Variants in EIF4G3 observed in about 807,000 individuals in gnomAD.
EIF4G3 encodes the protein eIF-4-gamma 3.
In EIF4G3, 34 loss-of-function variants were observed where a neutral mutation model predicts 186.4. The observed-to-expected ratio is 0.18, with a 90% CI of 0.14 to 0.24. The LOEUF is 0.24. Among genes scored for constraint, EIF4G3 ranks in the 10% least tolerant of loss-of-function variants. EIF4G3 has a pLI of 1.00. For missense variants in EIF4G3, 1,536 were observed against 1,948.5 expected, an observed-to-expected ratio of 0.79 and a Z score of 3.99; for synonymous variants, 673 against 679.5, an observed-to-expected ratio of 0.99 and a Z score of 0.15.
At chr1:21,055,513 T>C (rs1420425229) in intron 3 of EIF4G3, among the ~76,000 whole-genome samples, 8 of 152,116 alleles carry the variant, frequency 5.3e-5, no homozygotes, top group African/African-American at 1.7e-4. Context: ...TGCCCCATTA[T>C]TGGCAGGGAT....
At chr1:21,092,613 T>C (rs1181873429) in intron 2 of EIF4G3, among the ~76,000 whole-genome samples, 1 of 152,128 alleles carries the variant, frequency 6.6e-6, no homozygotes, top group East Asian at 1.9e-4. Context: ...AAAGTTCATC[T>C]GGAACCAAAA....
chr1:21,104,880 TA>T (rs144856695), intron 2 of EIF4G3, among the ~76,000 whole-genome samples: 19 of 147,340 alleles, frequency 1.3e-4, no homozygotes, highest in African/African-American at 2.2e-4. Flanking sequence ...TACACGCCCA[TA>T]AAAAAAAAAT....
At chr1:21,034,319 A>G (rs1244168994) in intron 4 of EIF4G3, among the ~76,000 whole-genome samples, 1 of 152,228 alleles carries the variant, frequency 6.6e-6, no homozygotes, top group Non-Finnish European at 1.5e-5. Context: ...AAATTTTTTA[A>G]TGAATGTTTT....
intron 3 of EIF4G3, among the ~76,000 whole-genome samples, chr1:21,058,134 T>C (rs1222364102): frequency 6.6e-6 from 1 of 152,144 alleles, no homozygotes; most frequent in Non-Finnish European, 1.5e-5. Flanking sequence ...GAAAACAAAG[T>C]TTCCTTAACA....
intron 7 of EIF4G3, chr1:20,988,215 A>G: frequency 5.9e-6 from 1 of 168,560 alleles, no homozygotes. Context: ...AAGGTGAAGC[A>G]GCAAGTACTT....
At chr1:20,898,326 T>TA (rs1357651905) in intron 16 of EIF4G3, among the ~76,000 whole-genome samples, 1 of 151,982 alleles carries the variant, frequency 6.6e-6, no homozygotes, top group African/African-American at 2.4e-5. Context: ...CCTCCCTCTG[T>TA]AAAAAATAAA....
chr1:21,118,052 C>T (rs1464545748), intron 2 of EIF4G3, among the ~76,000 whole-genome samples: 1 of 152,184 alleles, frequency 6.6e-6, no homozygotes, highest in African/African-American at 2.4e-5. Context: ...TTTTGGCTTG[C>T]AATTTGGATT....
At chr1:21,005,255 G>A (rs1451454653) in intron 4 of EIF4G3, among the ~76,000 whole-genome samples, 1 of 151,958 alleles carries the variant, frequency 6.6e-6, no homozygotes, top group Non-Finnish European at 1.5e-5. Flanking sequence ...TTAAAAGAGA[G>A]CACCAATTTA....
intron 14 of EIF4G3, among the ~76,000 whole-genome samples, chr1:20,934,292 G>A (rs1042363440): frequency 3.3e-5 from 5 of 152,132 alleles, no homozygotes; most frequent in Non-Finnish European, 7.4e-5. Flanking sequence ...TAGAAGACAT[G>A]GTAGACTATT....
intron 10 of EIF4G3, 42 bp from the exon 11 acceptor site, chr1:20,973,141 G>T: frequency 6.9e-7 from 1 of 1,440,270 alleles, no homozygotes; most frequent in Non-Finnish European, 9.7e-7. Flanking sequence ...CAGTTATTTT[G>T]TCAAACACTA....
chr1:20,813,135 C>G, intron 35 of EIF4G3, 23 bp downstream of exon 35: 1 of 1,509,108 alleles, frequency 6.6e-7, no homozygotes, highest in Non-Finnish European at 9.2e-7. Flanking sequence ...ATGTTATGAG[C>G]TGCCTTCAGA....
At chr1:20,969,706 G>C in intron 11 of EIF4G3, 110 bp from the exon 12 acceptor site, 1 of 987,112 alleles carries the variant, frequency 1.0e-6, no homozygotes. Context: ...AAATATCAAA[G>C]GTGATAATCA....
intron 29 of EIF4G3, among the ~76,000 whole-genome samples, chr1:20,845,368 A>T (rs1557886185): frequency 6.6e-6 from 1 of 152,158 alleles, no homozygotes; most frequent in Non-Finnish European, 1.5e-5. Flanking sequence ...GCCCTGTAAT[A>T]TAGTTTGAAG....
At chr1:21,091,349 TG>T (rs1435270943) in intron 2 of EIF4G3, among the ~76,000 whole-genome samples, 1 of 151,900 alleles carries the variant, frequency 6.6e-6, no homozygotes, top group Admixed American at 6.6e-5. Flanking sequence ...TTAGTAGAGA[TG>T]GGGCTTTGCA....
At chr1:20,906,773 C>A (rs1285515165) in intron 14 of EIF4G3, among the ~76,000 whole-genome samples, 1 of 151,710 alleles carries the variant, frequency 6.6e-6, no homozygotes, top group East Asian at 1.9e-4. Flanking sequence ...AGAGCACAGA[C>A]TTCTTTAGGA....
At chr1:21,019,830 G>A (rs892246292) in intron 4 of EIF4G3, among the ~76,000 whole-genome samples, 2 of 152,202 alleles carry the variant, frequency 1.3e-5, no homozygotes, top group African/African-American at 4.8e-5. Flanking sequence ...CTTGCAGTGA[G>A]CCGAGACTGC....
At chr1:20,901,776 C>T (rs1321926333) in intron 15 of EIF4G3, among the ~76,000 whole-genome samples, 2 of 151,914 alleles carry the variant, frequency 1.3e-5, no homozygotes, top group Non-Finnish European at 2.9e-5. Context: ...AAATCCTAGT[C>T]AACTAGTCTG....
At chr1:21,017,883 A>T (rs900295488) in intron 4 of EIF4G3, among the ~76,000 whole-genome samples, 17 of 152,044 alleles carry the variant, frequency 1.1e-4, no homozygotes, top group African/African-American at 3.9e-4. Context: ...TAATGGACAA[A>T]AAGTTTCAGT....
chr1:20,899,596 C>T, intron 16 of EIF4G3, 101 bp downstream of exon 16: 1 of 1,401,452 alleles, frequency 7.1e-7, no homozygotes, highest in African/African-American at 1.4e-5. Flanking sequence ...TTGTGATAAA[C>T]CTCTTTCTTC....
Sources: gnomAD v4.1 joint callset for allele counts (sites outside exome capture counted in the v4.1 genomes callset) on GRCh38, gnomAD v4.1.1 for gene constraint, MANE v1.5 for transcripts, NCBI Gene and HGNC (gene_info 2026-07-23, HGNC 2026-07-21) for gene names.